The following PLCE1 variants were observed in gnomAD, a reference collection of about 807,000 sequenced individuals.
PLCE1 encodes phospholipase C epsilon 1.
PLCE1 carries 119 observed loss-of-function variants against 242.8 expected under a neutral mutation model. The observed-to-expected ratio is 0.49, with a 90% CI of 0.42 to 0.57. The LOEUF (loss-of-function observed/expected upper bound fraction) is 0.57, where lower values mean the gene tolerates loss of function less well. Among genes scored for constraint, PLCE1 ranks in the 20% least tolerant of loss-of-function variants. PLCE1 has a pLI of 0.00. For synonymous variants in PLCE1, 945 were observed against 1,017.4 expected (o/e 0.93, Z 1.35); for missense variants, 2,441 against 2,788.8 (o/e 0.88, Z 2.81).
chr10:94,027,307 A>G (rs112427266), intron 1 of PLCE1, among the ~76,000 whole-genome samples: 8 of 152,194 alleles, frequency 5.3e-5, no homozygotes, highest in African/African-American at 1.9e-4. Context: ...ATGGTAAGGA[A>G]ATCCAGGACA....
At chr10:94,049,591 G>C (rs2043705699) in intron 2 of PLCE1, among the ~76,000 whole-genome samples, 1 of 151,218 alleles carries the variant, frequency 6.6e-6, no homozygotes, top group African/African-American at 2.5e-5. Flanking sequence ...CTGTCTGTCT[G>C]TCTGTCTGTC....
chr10:94,135,964 C>T (rs964012907), intron 3 of PLCE1, among the ~76,000 whole-genome samples: 7 of 151,916 alleles, frequency 4.6e-5, no homozygotes, highest in Admixed American at 3.3e-4. Context: ...TGTTTTTTAA[C>T]GAGATGTTTA....
chr10:94,208,116 G>T (rs1042922613), intron 4 of PLCE1, among the ~76,000 whole-genome samples: 11 of 152,316 alleles, frequency 7.2e-5, no homozygotes, highest in Admixed American at 5.9e-4. Flanking sequence ...TCCTAGAATA[G>T]TGCCTCACAA....
intron 1 of PLCE1, among the ~76,000 whole-genome samples, chr10:94,009,794 A>C (rs2061131175): frequency 6.6e-6 from 1 of 152,258 alleles, no homozygotes; most frequent in South Asian, 2.1e-4. Flanking sequence ...TCCCACATTC[A>C]GAGCACACTG....
chr10:94,005,595 C>G (rs770577463), intron 1 of PLCE1, among the ~76,000 whole-genome samples: 1 of 152,216 alleles, frequency 6.6e-6, no homozygotes, highest in Admixed American at 6.5e-5. Flanking sequence ...CTAAGCCTCT[C>G]CACAGCCTAA....
At chr10:94,058,365 C>A (rs895203197) in intron 2 of PLCE1, among the ~76,000 whole-genome samples, 1 of 152,112 alleles carries the variant, frequency 6.6e-6, no homozygotes, top group East Asian at 1.9e-4. Context: ...ATGATAACAA[C>A]CTTTCACAAG....
At chr10:94,297,719 A>G (rs1318474057) in intron 23 of PLCE1, among the ~76,000 whole-genome samples, 1 of 151,664 alleles carries the variant, frequency 6.6e-6, no homozygotes, top group Non-Finnish European at 1.5e-5. Flanking sequence ...TATATTTGCT[A>G]TAACTTTTCA....
chr10:94,182,822 G>A (rs183466249), intron 4 of PLCE1, among the ~76,000 whole-genome samples: 143 of 152,192 alleles, frequency 9.4e-4, no homozygotes, highest in Middle Eastern at 3.4e-3. Context: ...TGACTTATTG[G>A]AGACATGTTT....
At chr10:94,142,098 C>T (rs1368872910) in intron 3 of PLCE1, among the ~76,000 whole-genome samples, 1 of 152,116 alleles carries the variant, frequency 6.6e-6, no homozygotes, top group Non-Finnish European at 1.5e-5. Flanking sequence ...TGGATTTGAG[C>T]CTTGACTTCA....
intron 2 of PLCE1, chr10:94,099,771 C>T (rs2045453341): frequency 6.6e-6 from 1 of 152,060 alleles, no homozygotes; most frequent in African/African-American, 2.4e-5. Context: ...CATTGAGGCC[C>T]TTATGGTGAG....
At chr10:94,283,429 G>T (rs1221299674) in intron 20 of PLCE1, 2 of 298,780 alleles carry the variant, frequency 6.7e-6, no homozygotes, top group Non-Finnish European at 1.3e-5. Context: ...CCAAACGTGT[G>T]TGCTGTCAGC....
At chr10:94,228,600 T>C (rs2050031126) in intron 5 of PLCE1, among the ~76,000 whole-genome samples, 1 of 152,236 alleles carries the variant, frequency 6.6e-6, no homozygotes, top group African/African-American at 2.4e-5. Context: ...TGTTAGTTCA[T>C]AACATTACTG....
intron 2 of PLCE1, among the ~76,000 whole-genome samples, chr10:94,050,909 G>T (rs2043746852): frequency 6.6e-6 from 1 of 152,088 alleles, no homozygotes; most frequent in Non-Finnish European, 1.5e-5. Flanking sequence ...CATAGGCTAG[G>T]TTCACAGCAT....
chr10:94,182,064 G>A (rs2048331101), intron 4 of PLCE1, among the ~76,000 whole-genome samples: 1 of 130,176 alleles, frequency 7.7e-6, no homozygotes, highest in African/African-American at 3.8e-5. Flanking sequence ...AAGCAAATAG[G>A]AGGAAAATGT....
In PLCE1 at chr10:94,298,813, T is replaced by C. The variant is rs1252361632; in HGVS notation, c.5458+144T>C. 1.0e-5 allele frequency: 9 copies of C among 868,462 alleles called. No individual in the cohort carries two copies. Among genetic ancestry groups the C allele is most frequent in the Non-Finnish European group, 1.7e-5 (9 of 528,680 alleles). The allele number at this position is 868,462 out of a possible 1,614,324, so 53.8% of individuals were successfully genotyped here. On this transcript the variant is annotated intron_variant, in intron 24 of 32. Coordinates refer to ENST00000371380, the MANE Select transcript of PLCE1 (RefSeq NM_016341.4). The surrounding 1 kb of genome is among the most constrained non-coding windows in gnomAD (Gnocchi z 5.2). ...AAAATATGATGATGGAAAACAGAAGTGAATTTGATACTGAATTGTGCCTCC... is the reference window on the plus strand; with the variant it reads ...AAAATATGATGATGGAAAACAGAAGCGAATTTGATACTGAATTGTGCCTCC...
chr10:94,113,659 C>A (rs2046024641), intron 2 of PLCE1, among the ~76,000 whole-genome samples: 1 of 152,112 alleles, frequency 6.6e-6, no homozygotes, highest in Admixed American at 6.6e-5. Flanking sequence ...AAGTAACTGC[C>A]CTAAGGTCAT....
At chr10:94,002,371 G>A (rs2060948044) in intron 1 of PLCE1, among the ~76,000 whole-genome samples, 2 of 152,250 alleles carry the variant, frequency 1.3e-5, no homozygotes, top group South Asian at 2.1e-4. Flanking sequence ...GGTGGAGGGC[G>A]TTCCTGTTGC....
intron 4 of PLCE1, among the ~76,000 whole-genome samples, chr10:94,223,539 G>A (rs770847340): frequency 6.6e-6 from 1 of 152,146 alleles, no homozygotes. Context: ...TGAGGAGAGG[G>A]AGTAAACTGT....
At chr10:94,038,376 T>A (rs1225157747) in intron 2 of PLCE1, among the ~76,000 whole-genome samples, 1 of 152,162 alleles carries the variant, frequency 6.6e-6, no homozygotes, top group Admixed American at 6.5e-5. Flanking sequence ...GACAACCAAA[T>A]GGTGCCCCTT....
Sources: allele counts gnomAD v4.1 joint callset (sites outside exome capture counted in the v4.1 genomes callset), GRCh38; gene constraint gnomAD v4.1.1; non-coding constraint Gnocchi (gnomAD v3.1); transcripts MANE v1.5; gene names NCBI Gene and HGNC (gene_info 2026-07-23, HGNC 2026-07-21).